Variants in SYNE2 observed in about 807,000 individuals in gnomAD.
SYNE2 encodes spectrin repeat containing nuclear envelope protein 2.
SYNE2 carries 431 observed loss-of-function variants against 856.3 expected under a neutral mutation model. The observed-to-expected ratio is 0.50, with a 90% CI of 0.47 to 0.55. SYNE2 has a LOEUF of 0.55. Among genes scored for constraint, SYNE2 ranks in the 20% least tolerant of loss-of-function variants. The pLI is 0.00. For missense variants in SYNE2, 8,129 were observed against 8,023.2 expected, an observed-to-expected ratio of 1.01 and a Z score of -0.50; for synonymous variants, 2,923 against 2,872.3, an observed-to-expected ratio of 1.02 and a Z score of -0.56.
chr14:64,025,317 G>A lies in SYNE2; in HGVS notation c.6148G>A (p.Ala2050Thr), dbSNP rs1414031912. The change falls in exon 41 of 116, where the codon GCA (alanine) becomes ACA (threonine). Residue 2050 changes from alanine (A) to threonine (T), a missense_variant. Transcript: ENST00000555002. ...PTEDQSFNDL[A>T]HDVIHWIKEI... ...AGAGGACCAGAGCTTTAATGATCTT[G>A]CACATGATGTAATTCATTGGATAAA... The A allele has an allele frequency of 6.2e-7, 1 of 1,614,068 alleles. No homozygotes were observed. The highest frequency in any genetic ancestry group is 1.7e-5 in the Admixed American group (1 of 60,024).
intron 11 of SYNE2, among the ~76,000 whole-genome samples, chr14:63,975,151 C>T (rs766949166): frequency 9.2e-5 from 14 of 151,628 alleles, no homozygotes; most frequent in Non-Finnish European, 1.6e-4. Context: ...CATTCATACA[C>T]GACACATGGA....
At chr14:64,149,084 G>C (rs1244924905) in intron 84 of SYNE2, among the ~76,000 whole-genome samples, 3 of 151,008 alleles carry the variant, frequency 2.0e-5, no homozygotes, top group Admixed American at 6.6e-5. Flanking sequence ...AAGGCAGAAG[G>C]ATCACTTGAG....
intron 70 of SYNE2, 108 bp downstream of exon 70, chr14:64,122,535 G>GT: frequency 7.0e-7 from 1 of 1,434,592 alleles, no homozygotes; most frequent in East Asian, 2.4e-5. Flanking sequence ...TGCCAAGTGA[G>GT]TTTTTTACTT....
At chr14:63,771,324 C>T (rs1886901124) in intron 1 of SYNE2, among the ~76,000 whole-genome samples, 1 of 151,932 alleles carries the variant, frequency 6.6e-6, no homozygotes, top group Non-Finnish European at 1.5e-5. Flanking sequence ...CCCGCCTCGG[C>T]CTCCCAAAGT....
intron 1 of SYNE2, among the ~76,000 whole-genome samples, chr14:63,809,803 TTAAG>T (rs995928307): frequency 4.6e-4 from 70 of 152,216 alleles, no homozygotes; most frequent in Middle Eastern, 3.4e-3. Flanking sequence ...GCCTGGCTAA[TTAAG>T]TATTTTAAAT....
At chr14:63,840,755 G>A (rs1330664951) in intron 1 of SYNE2, among the ~76,000 whole-genome samples, 1 of 152,132 alleles carries the variant, frequency 6.6e-6, no homozygotes, top group Non-Finnish European at 1.5e-5. Flanking sequence ...GCTCATGCCT[G>A]TAATCTCAGC....
chr14:63,787,782 C>T lies in SYNE2; in HGVS notation c.-305+25796C>T, dbSNP rs111812670. The stretch of plus-strand genomic sequence containing the variant: ...GCAGCCATGGGCTGGCTGGAAAAGG[C>T]ACCACAAGTGCCCACTTGGACCCAC... On this transcript the variant is annotated intron_variant, in intron 1 of 23. Coordinates refer to the SYNE2 transcript ENST00000674003. 1.3e-3 allele frequency among the ~76,000 whole-genome samples: 200 copies of T among 152,320 alleles called. 2 individuals carry two copies. The highest frequency in any genetic ancestry group is 4.6e-3 in the African/African-American group (190 of 41,576).
At chr14:64,190,923 C>A (rs775465483) in intron 99 of SYNE2, 17 of 701,348 alleles carry the variant, frequency 2.4e-5, no homozygotes, top group Non-Finnish European at 3.9e-5. Flanking sequence ...AAGACAAACT[C>A]CAGGTGGATG....
At chr14:64,046,197 G>A (rs893264859) in intron 45 of SYNE2, among the ~76,000 whole-genome samples, 5 of 152,226 alleles carry the variant, frequency 3.3e-5, no homozygotes, top group African/African-American at 1.2e-4. Flanking sequence ...GAAAGAGCAA[G>A]TGAATGCAGA....
At chr14:63,769,543 C>G (rs865809639) in intron 1 of SYNE2, among the ~76,000 whole-genome samples, 1 of 151,896 alleles carries the variant, frequency 6.6e-6, no homozygotes, top group African/African-American at 2.4e-5. Flanking sequence ...TGGCGGGCGC[C>G]GGTAGTCCCA....
At chr14:63,972,164 C>T (rs1595955654) in intron 11 of SYNE2, among the ~76,000 whole-genome samples, 1 of 152,184 alleles carries the variant, frequency 6.6e-6, no homozygotes. Flanking sequence ...TTGTCAGTTT[C>T]TATTCTGATC....
intron 84 of SYNE2, among the ~76,000 whole-genome samples, chr14:64,149,460 C>T (rs1224918652): frequency 6.7e-6 from 1 of 149,310 alleles, no homozygotes; most frequent in Non-Finnish European, 1.5e-5. Flanking sequence ...AGCATGAAGA[C>T]ATTAGGATTG....
intron 1 of SYNE2, among the ~76,000 whole-genome samples, chr14:63,787,519 A>G (rs566064488): frequency 6.6e-6 from 1 of 152,316 alleles, no homozygotes; most frequent in East Asian, 1.9e-4. Flanking sequence ...AGAATGAGGT[A>G]TGCAGACAAG....
intron 81 of SYNE2, 73 bp downstream of exon 81, chr14:64,141,596 C>A: frequency 6.6e-7 from 1 of 1,506,546 alleles, no homozygotes; most frequent in East Asian, 2.3e-5. Context: ...AATTATTTCT[C>A]TGACTCAATA....
At chr14:64,044,906 A>G (rs928375904) in intron 45 of SYNE2, among the ~76,000 whole-genome samples, 1 of 152,230 alleles carries the variant, frequency 6.6e-6, no homozygotes, top group African/African-American at 2.4e-5. Flanking sequence ...TGTCTTTACC[A>G]GCAACATGCA....
intron 33 of SYNE2, 64 bp from the exon 34 acceptor site, chr14:64,017,531 T>A (rs534716088): frequency 4.4e-5 from 59 of 1,345,960 alleles, no homozygotes; most frequent in Non-Finnish European, 6.0e-5. Context: ...AGTGTTTGGC[T>A]GAAACAGTGG....
intron 1 of SYNE2, among the ~76,000 whole-genome samples, chr14:63,899,223 A>G (rs904738341): frequency 4.0e-5 from 6 of 149,508 alleles, no homozygotes; most frequent in African/African-American, 1.2e-4. Context: ...TTTTTTTGAG[A>G]TGGTGTCTTG....
At chr14:63,871,192 T>C (rs1167267543) in intron 1 of SYNE2, among the ~76,000 whole-genome samples, 8 of 151,878 alleles carry the variant, frequency 5.3e-5, no homozygotes, top group Non-Finnish European at 1.2e-4. Context: ...GGAACTAATT[T>C]TGGGGAGATT....
intron 47 of SYNE2, 32 bp from the exon 48 acceptor site, chr14:64,051,525 A>G (rs2097226687): frequency 1.9e-6 from 3 of 1,579,676 alleles, no homozygotes; most frequent in Non-Finnish European, 2.6e-6. Flanking sequence ...AGCATTAAAT[A>G]TTAACAAGCT....
Sources: gnomAD v4.1 joint callset for allele counts (sites outside exome capture counted in the v4.1 genomes callset) on GRCh38, gnomAD v4.1.1 for gene constraint, MANE v1.5 for transcripts, NCBI Gene and HGNC (gene_info 2026-07-23, HGNC 2026-07-21) for gene names.